Variants in DIP2C observed in about 807,000 individuals in gnomAD.
DIP2C encodes disco-interacting protein 2 homolog C.
A neutral mutation model predicts 192.4 loss-of-function variants in DIP2C; 33 were observed. The observed-to-expected ratio is 0.17, with a 90% confidence interval of 0.13 to 0.23. DIP2C has a LOEUF of 0.23. Among genes scored for constraint, DIP2C ranks in the 10% least tolerant of loss-of-function variants. The pLI, the probability that DIP2C is intolerant of heterozygous loss-of-function variation, is 1.00. For missense variants in DIP2C, 1,537 were observed against 2,110.1 expected (o/e 0.73, Z 5.32); for synonymous variants, 979 against 864.1 (o/e 1.13, Z -2.33).
intron 1 of DIP2C, among the ~76,000 whole-genome samples, chr10:488,148 A>G (rs1349371089): frequency 6.6e-6 from 1 of 152,212 alleles, no homozygotes; most frequent in African/African-American, 2.4e-5. Context: ...CTAGGTTACT[A>G]TCATCTCTCA....
intron 17 of DIP2C, among the ~76,000 whole-genome samples, chr10:382,402 A>G (rs1223903034): frequency 6.6e-6 from 1 of 152,212 alleles, no homozygotes; most frequent in African/African-American, 2.4e-5. Context: ...GCCTCTAGAC[A>G]GTTCCACTTA....
intron 1 of DIP2C, among the ~76,000 whole-genome samples, chr10:547,097 G>T (rs980674325): frequency 2.0e-5 from 3 of 152,152 alleles, no homozygotes; most frequent in African/African-American, 7.2e-5. Flanking sequence ...TCAAATCCTC[G>T]GAAGACGCAC....
At chr10:496,464 ATG>A (rs1397988633) in intron 1 of DIP2C, among the ~76,000 whole-genome samples, 1 of 144,870 alleles carries the variant, frequency 6.9e-6, no homozygotes, top group Non-Finnish European at 1.5e-5. Context: ...ACCCCAAACA[ATG>A]TGAGTGCTGA....
At chr10:284,198 T>C (rs952605404) in intron 34 of DIP2C, among the ~76,000 whole-genome samples, 12 of 152,038 alleles carry the variant, frequency 7.9e-5, no homozygotes, top group African/African-American at 2.7e-4. Context: ...TTACTGACAA[T>C]GAAAAGTGGT....
At chr10:536,068 A>G (rs1175768256) in intron 1 of DIP2C, among the ~76,000 whole-genome samples, 1 of 152,156 alleles carries the variant, frequency 6.6e-6, no homozygotes, top group Non-Finnish European at 1.5e-5. Context: ...ATATAAATTG[A>G]TTCTCTCCCA....
intron 1 of DIP2C, among the ~76,000 whole-genome samples, chr10:578,295 GGCA>G (rs1850308612): frequency 2.0e-5 from 3 of 152,252 alleles, no homozygotes; most frequent in African/African-American, 7.2e-5. Flanking sequence ...AAGAACACAA[GGCA>G]GTAAATACTC....
At chr10:385,489 G>T (rs1195120025) in intron 14 of DIP2C, among the ~76,000 whole-genome samples, 3 of 152,156 alleles carry the variant, frequency 2.0e-5, no homozygotes, top group Admixed American at 6.5e-5. Context: ...AATTCTTCCC[G>T]GTGTGTTATG....
chr10:566,338 G>C (rs1265162184), intron 1 of DIP2C, among the ~76,000 whole-genome samples: 1 of 152,166 alleles, frequency 6.6e-6, no homozygotes, highest in Non-Finnish European at 1.5e-5. Context: ...CGGGGTAACC[G>C]CACCAGGCCT....
intron 5 of DIP2C, among the ~76,000 whole-genome samples, chr10:420,428 G>A (rs1410824805): frequency 6.6e-6 from 1 of 152,162 alleles, no homozygotes; most frequent in East Asian, 1.9e-4. Flanking sequence ...CTAAGGGGAG[G>A]GCCCGCCACA....
chr10:287,141 C>T (rs1331876064), intron 33 of DIP2C, among the ~76,000 whole-genome samples: 1 of 151,726 alleles, frequency 6.6e-6, no homozygotes, highest in Non-Finnish European at 1.5e-5. Flanking sequence ...CTAGTTCTGT[C>T]ACCCAGGCTG....
chr10:678,777 G>A (rs1253169811), intron 1 of DIP2C, among the ~76,000 whole-genome samples: 2 of 50,020 alleles, frequency 4.0e-5, no homozygotes, highest in Admixed American at 2.8e-4. Context: ...CCCCGCACCT[G>A]TCCTCCCTGC....
intron 1 of DIP2C, among the ~76,000 whole-genome samples, chr10:579,746 C>T (rs188656069): frequency 4.6e-5 from 7 of 152,012 alleles, no homozygotes; most frequent in Admixed American, 2.6e-4. Flanking sequence ...CATAGGTACA[C>T]TATAATGTAT....
intron 32 of DIP2C, among the ~76,000 whole-genome samples, chr10:289,055 T>A (rs1276498461): frequency 6.6e-6 from 1 of 152,248 alleles, no homozygotes; most frequent in Non-Finnish European, 1.5e-5. Context: ...CCTTCACTAC[T>A]GGTTTTGCAT....
chr10:581,948 T>C (rs898884518), intron 1 of DIP2C, among the ~76,000 whole-genome samples: 2 of 152,096 alleles, frequency 1.3e-5, no homozygotes, highest in African/African-American at 4.8e-5. Context: ...GGTTTTGGAA[T>C]GAAACCGTTC....
At chr10:673,778 A>G (rs1588745086) in intron 1 of DIP2C, among the ~76,000 whole-genome samples, 1 of 152,110 alleles carries the variant, frequency 6.6e-6, no homozygotes, top group South Asian at 2.1e-4. Flanking sequence ...ACTAAACCTA[A>G]CCAGTCATCA....
intron 4 of DIP2C, among the ~76,000 whole-genome samples, chr10:432,381 A>T (rs892522435): frequency 6.6e-6 from 1 of 152,188 alleles, no homozygotes; most frequent in East Asian, 1.9e-4. Flanking sequence ...ACAGGCCTAT[A>T]CAGATTGTTT....
At chr10:598,451 T>C (rs538599948) in intron 1 of DIP2C, among the ~76,000 whole-genome samples, 11 of 152,324 alleles carry the variant, frequency 7.2e-5, no homozygotes, top group African/African-American at 2.6e-4. Context: ...CATGCAATCA[T>C]CACATGCATT....
chr10:449,837 ATAT>A (rs1968699287), intron 3 of DIP2C, among the ~76,000 whole-genome samples: 1 of 151,914 alleles, frequency 6.6e-6, no homozygotes, highest in Non-Finnish European at 1.5e-5. Flanking sequence ...CATGAAGAAA[ATAT>A]TAATAAACTA....
intron 8 of DIP2C, 37 bp downstream of exon 8, chr10:413,876 G>A (rs780140568): frequency 1.3e-6 from 2 of 1,599,402 alleles, no homozygotes; most frequent in East Asian, 2.2e-5. Flanking sequence ...CTGTGCGAGG[G>A]GGTGGGCAAA....
Sources: allele counts gnomAD v4.1 joint callset (sites outside exome capture counted in the v4.1 genomes callset), GRCh38; gene constraint gnomAD v4.1.1; transcripts MANE v1.5; gene names NCBI Gene and HGNC (gene_info 2026-07-23, HGNC 2026-07-21).